ABCC1: variants seen among roughly 807,000 people sequenced by gnomAD.
The protein encoded by ABCC1 is multidrug resistance-associated protein 1.
A neutral mutation model predicts 172.9 loss-of-function variants in ABCC1; 83 were observed. The ratio of observed to expected loss-of-function variants is 0.48; its 90% CI spans 0.40 to 0.58. The LOEUF is 0.58. Among genes scored for constraint, ABCC1 ranks in the 20% least tolerant of loss-of-function variants. The pLI is 0.00. For synonymous variants in ABCC1, 937 were observed against 825.2 expected (o/e 1.14, Z -2.32); for missense variants, 1,817 against 2,002.7 (o/e 0.91, Z 1.77).
chr16:16,086,415 A>T (rs1596477552), intron 17 of ABCC1, among the ~76,000 whole-genome samples: 1 of 152,070 alleles, frequency 6.6e-6, no homozygotes, highest in East Asian at 1.9e-4. Flanking sequence ...CAGGGCCTTC[A>T]CCCAGGACCT....
intron 1 of ABCC1, among the ~76,000 whole-genome samples, chr16:15,996,938 A>C (rs2047077269): frequency 6.6e-6 from 1 of 152,048 alleles, no homozygotes; most frequent in African/African-American, 2.4e-5. Context: ...GAACACACAA[A>C]GGTCAGGGGC....
intron 20 of ABCC1, among the ~76,000 whole-genome samples, 184 bp downstream of exon 20, chr16:16,102,901 C>T (rs1030081346): frequency 1.8e-4 from 28 of 152,200 alleles, no homozygotes; most frequent in African/African-American, 6.8e-4. Flanking sequence ...GAATGTGGCA[C>T]TCTTTTTGCC....
At chr16:15,975,173 A>G (rs774772804) in intron 1 of ABCC1, among the ~76,000 whole-genome samples, 4 of 152,194 alleles carry the variant, frequency 2.6e-5, no homozygotes, top group Non-Finnish European at 5.9e-5. Context: ...CATGGTTTAA[A>G]AATCCTCGCC....
At chr16:16,040,047 GTTGT>G (rs201830811) in intron 7 of ABCC1, among the ~76,000 whole-genome samples, 8,871 of 147,992 alleles carry the variant, frequency 0.06, 330 homozygotes, top group Middle Eastern at 0.11. Flanking sequence ...CGTGAGTTCT[GTTGT>G]TTGTTTGTTT....
At chr16:16,128,287 C>T (rs1312977392) in intron 26 of ABCC1, among the ~76,000 whole-genome samples, 1 of 152,036 alleles carries the variant, frequency 6.6e-6, no homozygotes. Context: ...AAGCGATTCC[C>T]AGCCTCCTGA....
At chr16:15,960,537 G>C (rs2046103742) in intron 1 of ABCC1, among the ~76,000 whole-genome samples, 1 of 152,164 alleles carries the variant, frequency 6.6e-6, no homozygotes, top group Non-Finnish European at 1.5e-5. Context: ...ATGTTCTCAT[G>C]GGGTTTACAC....
intron 14 of ABCC1, among the ~76,000 whole-genome samples, chr16:16,071,936 A>G (rs2050366479): frequency 6.6e-6 from 1 of 152,104 alleles, no homozygotes; most frequent in South Asian, 2.1e-4. Context: ...CCTGTCTCAC[A>G]CTTCCCAGGA....
chr16:15,987,941 C>A (rs1597076081), intron 1 of ABCC1, among the ~76,000 whole-genome samples: 3 of 152,206 alleles, frequency 2.0e-5, no homozygotes, highest in Admixed American at 2.0e-4. Flanking sequence ...TCCTCTGTTT[C>A]CTTCCATCCT....
intron 17 of ABCC1, among the ~76,000 whole-genome samples, chr16:16,085,939 G>A (rs1028444657): frequency 3.9e-5 from 6 of 152,164 alleles, no homozygotes; most frequent in Non-Finnish European, 8.8e-5. Context: ...CGCTGCTGCT[G>A]GTCCATGCAT....
intron 5 of ABCC1, among the ~76,000 whole-genome samples, chr16:16,018,436 C>T (rs1013279864): frequency 6.6e-6 from 1 of 152,086 alleles, no homozygotes; most frequent in Non-Finnish European, 1.5e-5. Flanking sequence ...GTAATCCCAG[C>T]TAGTCGGGAG....
chr16:16,129,958 G>A (rs950139840), intron 26 of ABCC1, among the ~76,000 whole-genome samples: 2 of 152,254 alleles, frequency 1.3e-5, no homozygotes, highest in Non-Finnish European at 2.9e-5. Context: ...TCTGCAGCCT[G>A]GTTCAGCACC....
At chr16:16,080,471 A>G (rs1025830792) in intron 16 of ABCC1, among the ~76,000 whole-genome samples, 3 of 152,252 alleles carry the variant, frequency 2.0e-5, no homozygotes, top group South Asian at 2.1e-4. Context: ...TTTACAAATA[A>G]TCCCCACTGG....
chr16:15,950,356 C>G (rs1363680557), intron 1 of ABCC1, among the ~76,000 whole-genome samples: 1 of 151,882 alleles, frequency 6.6e-6, no homozygotes, highest in African/African-American at 2.4e-5. Flanking sequence ...GTTCTTTCTA[C>G]TTAGATACTG....
chr16:16,104,900 G>A (rs1443731570), intron 20 of ABCC1, among the ~76,000 whole-genome samples: 4 of 152,154 alleles, frequency 2.6e-5, no homozygotes, highest in East Asian at 1.9e-4. Flanking sequence ...CCGGGCTGGC[G>A]GGGCTGCCCG....
In ABCC1 at chr16:15,949,741, G is replaced by A. The variant is rs1250176818; in HGVS notation, c.-11G>A. On this transcript the variant is annotated 5_prime_UTR_variant, in exon 1 of 31. Coordinates refer to ENST00000399410, the MANE Select transcript of ABCC1 (RefSeq NM_004996.4). ...CGCCGCCCGGTGCCCGCCGCCGCCCGCGCCACCGGCATGGCGCTCCGGGGC... is the reference window on the plus strand; with the variant it reads ...CGCCGCCCGGTGCCCGCCGCCGCCCACGCCACCGGCATGGCGCTCCGGGGC... The A allele has an allele frequency of 6.8e-6, 8 of 1,174,166 alleles. No individual in the cohort carries two copies. Among genetic ancestry groups the A allele is most frequent in the African/African-American group, 1.6e-5 (1 of 61,442 alleles). The allele number at this position is 1,174,166 out of a possible 1,614,324, so 72.7% of individuals were successfully genotyped here. A position where few individuals can be genotyped will look rare whatever the true frequency, so the allele number is the denominator to read the frequency against.
chr16:16,035,512 A>G (rs1483646340), intron 6 of ABCC1, among the ~76,000 whole-genome samples: 1 of 115,350 alleles, frequency 8.7e-6, no homozygotes, highest in Non-Finnish European at 1.8e-5. Context: ...TTTTCTTTTT[A>G]TAGGGTCTGA....
chr16:16,015,064 C>T (rs1180965444), intron 4 of ABCC1, among the ~76,000 whole-genome samples: 2 of 151,686 alleles, frequency 1.3e-5, no homozygotes, highest in East Asian at 1.9e-4. Flanking sequence ...TCAGTTGCTG[C>T]TCTGGCTGGG....
At position 16,125,866 on chromosome 16, in the gene ABCC1, C is replaced by T. The variant is rs760045193; in HGVS notation, c.3774C>T (p.Ile1258=). 57 of 1,613,942 alleles carry T rather than the reference C, an allele frequency of 3.5e-5. 1 individual carries two copies. In the Admixed American group the frequency reaches 6.7e-4, roughly 19 times the overall value. Reference sequence around the variant, plus strand: ...TGTCATCTGAAATGGAAACCAACATCGTGGCCGTGGAGAGGCTCAAGGAGT... The same window carrying T: ...TGTCATCTGAAATGGAAACCAACATTGTGGCCGTGGAGAGGCTCAAGGAGT... ...VRMSSEMETN[I]VAVERLKEYS... is the part of the protein sequence containing the mutation. Residue 1258 remains isoleucine (I), a synonymous_variant, in exon 26 of 31, where the codon ATC becomes ATT. Coordinates refer to ENST00000399410, the MANE Select transcript of ABCC1 (RefSeq NM_004996.4).
At chr16:15,983,382 G>A (rs566067861) in intron 1 of ABCC1, among the ~76,000 whole-genome samples, 26 of 152,076 alleles carry the variant, frequency 1.7e-4, no homozygotes, top group Admixed American at 6.6e-5. Context: ...AGTTTTCAGC[G>A]CAGTGTGAAG....
Sources: allele counts gnomAD v4.1 joint callset (sites outside exome capture counted in the v4.1 genomes callset), GRCh38; gene constraint gnomAD v4.1.1; transcripts MANE v1.5; gene names NCBI Gene and HGNC (gene_info 2026-07-23, HGNC 2026-07-21).